The following GMDS variants were observed in gnomAD, a reference collection of about 807,000 sequenced individuals.
GMDS encodes the protein GDP-mannose 4,6 dehydratase.
GMDS carries 20 observed loss-of-function variants against 49.9 expected under a neutral mutation model. The ratio of observed to expected loss-of-function variants is 0.40; its 90% CI spans 0.28 to 0.58. GMDS has a LOEUF of 0.58. Ranked by LOEUF, GMDS falls within the 20% of genes least tolerant of loss-of-function variation. GMDS has a pLI of 0.42. For missense variants in GMDS, 362 were observed against 481.4 expected (o/e 0.75, Z 2.32); for synonymous variants, 177 against 178.6 (o/e 0.99, Z 0.07).
chr6:1,904,402 G>A (rs1166403598), intron 7 of GMDS, among the ~76,000 whole-genome samples: 3 of 152,162 alleles, frequency 2.0e-5, no homozygotes. Context: ...GCAAAGGCCA[G>A]GAGGACTGCC....
At chr6:1,976,292 G>A (rs1764897889) in intron 4 of GMDS, among the ~76,000 whole-genome samples, 1 of 152,316 alleles carries the variant, frequency 6.6e-6, no homozygotes, top group South Asian at 2.1e-4. Flanking sequence ...ATTTGGAGGA[G>A]GCCAATCTCT....
chr6:2,231,134 C>T (rs1781088339), intron 1 of GMDS, among the ~76,000 whole-genome samples: 1 of 152,048 alleles, frequency 6.6e-6, no homozygotes, highest in African/African-American at 2.4e-5. Flanking sequence ...CCTGAAACAA[C>T]ACAATGATGA....
chr6:1,650,988 C>T (rs868783431), intron 9 of GMDS, among the ~76,000 whole-genome samples: 1 of 152,232 alleles, frequency 6.6e-6, no homozygotes, highest in Non-Finnish European at 1.5e-5. Flanking sequence ...GAAAAGTACT[C>T]GGCAACCCTG....
intron 4 of GMDS, among the ~76,000 whole-genome samples, chr6:2,102,316 A>T (rs1010131881): frequency 6.6e-6 from 1 of 152,220 alleles, no homozygotes; most frequent in African/African-American, 2.4e-5. Flanking sequence ...ACATTTAATT[A>T]TTCATGCAAA....
Position 1,726,487 on chromosome 6 carries a change from C to T in GMDS, c.916G>A (p.Val306Met). ...IVWEGKNENE[V>M]GRCKETGKVH... ...TTGCCGGTCTCTTTACATCTGCCCA[C>T]TTCATTTTCATTCTTTCCTTCCCAC... is the stretch of plus-strand genomic sequence containing the variant. The change falls in exon 9 of 11, where the codon GTG becomes ATG. Residue 306 changes from valine (V) to methionine (M), a missense_variant. Coordinates refer to ENST00000380815, the MANE Select transcript of GMDS (RefSeq NM_001500.4). The T allele has an allele frequency of 6.2e-7, 1 of 1,612,924 alleles. No individual in the cohort carries two copies. Among genetic ancestry groups the T allele is most frequent in the Non-Finnish European group, 8.5e-7 (1 of 1,178,826 alleles).
chr6:2,191,599 T>C lies in GMDS; in HGVS notation c.102+53722A>G, dbSNP rs556969283. On this transcript the variant is annotated intron_variant, in intron 1 of 10. Coordinates refer to ENST00000380815, the MANE Select transcript of GMDS (RefSeq NM_001500.4). The surrounding 1 kb of genome is among the most constrained non-coding windows in gnomAD (Gnocchi z 4.6). ...CTCTCCCCGCTCCAGGCACCTGCTA[T>C]GATCTCCGAATGGGGTTGGGGCCAA... is the stretch of plus-strand genomic sequence containing the variant. Among the ~76,000 whole-genome samples the C allele has an allele frequency of 6.6e-6, 1 of 152,302 alleles. No homozygotes were observed. The highest frequency in any genetic ancestry group is 1.9e-4 in the East Asian group (1 of 5,174).
At chr6:1,689,861 GTA>G (rs1215796538) in intron 9 of GMDS, among the ~76,000 whole-genome samples, 1 of 152,136 alleles carries the variant, frequency 6.6e-6, no homozygotes, top group African/African-American at 2.4e-5. Flanking sequence ...TCATAAATGA[GTA>G]TTCACACTGG....
chr6:2,204,186 C>A (rs1374237459), intron 1 of GMDS, among the ~76,000 whole-genome samples: 2 of 152,204 alleles, frequency 1.3e-5, no homozygotes, highest in African/African-American at 2.4e-5. Flanking sequence ...GGTCTGTGAT[C>A]GGGTCATTTT....
chr6:1,848,816 GA>G (rs941929956), intron 7 of GMDS, among the ~76,000 whole-genome samples: 3 of 152,170 alleles, frequency 2.0e-5, no homozygotes, highest in Non-Finnish European at 4.4e-5. Context: ...GAGGGTGTGT[GA>G]AGTATAGTGA....
intron 7 of GMDS, among the ~76,000 whole-genome samples, chr6:1,909,782 C>A (rs956553580): frequency 6.6e-6 from 1 of 152,170 alleles, no homozygotes; most frequent in South Asian, 2.1e-4. Flanking sequence ...CACATGATCA[C>A]CACAATGAAA....
intron 6 of GMDS, among the ~76,000 whole-genome samples, chr6:1,934,142 C>T (rs1762416892): frequency 6.6e-6 from 1 of 152,120 alleles, no homozygotes; most frequent in Admixed American, 6.5e-5. Context: ...TTATTTTTCC[C>T]ATTCAATAGC....
intron 1 of GMDS, among the ~76,000 whole-genome samples, chr6:2,208,097 A>C (rs535156678): frequency 6.6e-6 from 1 of 151,966 alleles, no homozygotes; most frequent in African/African-American, 2.4e-5. Context: ...GAAGCTGTGC[A>C]TAAGTTAGAA....
intron 9 of GMDS, among the ~76,000 whole-genome samples, chr6:1,680,262 C>A (rs773039624): frequency 6.6e-6 from 1 of 152,182 alleles, no homozygotes; most frequent in Non-Finnish European, 1.5e-5. Flanking sequence ...TCTTGATGTG[C>A]GCCCTTCATC....
At chr6:1,638,727 C>T (rs1166317633) in intron 9 of GMDS, among the ~76,000 whole-genome samples, 2 of 152,096 alleles carry the variant, frequency 1.3e-5, no homozygotes, top group African/African-American at 4.8e-5. Context: ...ATGAAAGGAA[C>T]CCAAGTCACA....
intron 4 of GMDS, among the ~76,000 whole-genome samples, chr6:1,995,108 T>C (rs2127369699): frequency 6.6e-6 from 1 of 152,286 alleles, no homozygotes. Flanking sequence ...AGCAGCAACC[T>C]GGCTGTACAC....
chr6:1,988,403 C>G (rs1213484275), intron 4 of GMDS, among the ~76,000 whole-genome samples: 1 of 151,960 alleles, frequency 6.6e-6, no homozygotes, highest in Admixed American at 6.6e-5. Flanking sequence ...AACTGTACCC[C>G]TTCTCCAGCC....
chr6:1,983,991 C>T (rs899112094), intron 4 of GMDS, among the ~76,000 whole-genome samples: 28 of 152,100 alleles, frequency 1.8e-4, no homozygotes, highest in Admixed American at 1.8e-3. Flanking sequence ...CAATGATAGA[C>T]TGAATTAAAA....
At chr6:1,849,595 TA>T (rs1757563322) in intron 7 of GMDS, among the ~76,000 whole-genome samples, 1 of 152,238 alleles carries the variant, frequency 6.6e-6, no homozygotes, top group South Asian at 2.1e-4. Flanking sequence ...GAATACCCAG[TA>T]AATGTACTTA....
chr6:1,982,112 C>T (rs888373842), intron 4 of GMDS, among the ~76,000 whole-genome samples: 11 of 152,102 alleles, frequency 7.2e-5, no homozygotes, highest in Admixed American at 2.0e-4. Context: ...CCAAGACCAG[C>T]CTGGCTGACA....
Sources: gnomAD v4.1 joint callset for allele counts (sites outside exome capture counted in the v4.1 genomes callset) on GRCh38, gnomAD v4.1.1 for gene constraint, Gnocchi (gnomAD v3.1) non-coding constraint, MANE v1.5 for transcripts, NCBI Gene and HGNC (gene_info 2026-07-23, HGNC 2026-07-21) for gene names.